Variants in ZNF423 observed in about 807,000 individuals in gnomAD.
ZNF423 encodes the protein zinc finger protein 423.
Under a neutral mutation model 95.8 loss-of-function variants are expected in ZNF423, and 12 were observed. The observed-to-expected ratio is 0.13, with a 90% CI of 0.08 to 0.20. ZNF423 has a LOEUF of 0.20. Among genes scored for constraint, ZNF423 ranks in the 10% least tolerant of loss-of-function variants. The pLI is 1.00. For synonymous variants in ZNF423, 749 were observed against 711.9 expected, an observed-to-expected ratio of 1.05 and a Z score of -0.83; for missense variants, 1,316 against 1,737.1, an observed-to-expected ratio of 0.76 and a Z score of 4.31.
chr16:49,587,235 C>T (rs1030714107), intron 5 of ZNF423, among the ~76,000 whole-genome samples: 3 of 152,138 alleles, frequency 2.0e-5, no homozygotes, highest in African/African-American at 7.2e-5. Flanking sequence ...TCCTGAGCCC[C>T]TGACAATGAC....
chr16:49,591,524 G>A (rs1176273963), intron 5 of ZNF423, among the ~76,000 whole-genome samples: 1 of 151,450 alleles, frequency 6.6e-6, no homozygotes, highest in African/African-American at 2.4e-5. Context: ...CTAAACACAA[G>A]TGTGCAAAAA....
chr16:49,695,719 G>A (rs2356619), intron 3 of ZNF423, among the ~76,000 whole-genome samples: 91,252 of 152,178 alleles, frequency 0.6, 29,349 homozygotes, highest in Non-Finnish European at 0.71. Context: ...GAGCCACCGC[G>A]CCAGGCCCCT....
At chr16:49,538,453 T>G (rs1969131392) in intron 5 of ZNF423, among the ~76,000 whole-genome samples, 1 of 152,120 alleles carries the variant, frequency 6.6e-6, no homozygotes, top group South Asian at 2.1e-4. Context: ...TGGCCCCACC[T>G]CATCATGACT....
At chr16:49,795,849 G>C (rs1046228717) in intron 1 of ZNF423, among the ~76,000 whole-genome samples, 1 of 152,226 alleles carries the variant, frequency 6.6e-6, no homozygotes, top group Non-Finnish European at 1.5e-5. Context: ...CCTGTTAAGA[G>C]AAAGGGTGTT....
chr16:49,647,918 G>A (rs1973240631), intron 3 of ZNF423, among the ~76,000 whole-genome samples: 1 of 152,194 alleles, frequency 6.6e-6, no homozygotes, highest in South Asian at 2.1e-4. Context: ...AATCATGGAA[G>A]TGGCTCTGGA....
At chr16:49,698,398 T>C (rs2032053319) in intron 3 of ZNF423, among the ~76,000 whole-genome samples, 1 of 152,158 alleles carries the variant, frequency 6.6e-6, no homozygotes, top group Admixed American at 6.5e-5. Flanking sequence ...CACAAGGCTG[T>C]GCTGCGACTT....
chr16:49,819,227 G>A (rs1292513556), intron 1 of ZNF423, among the ~76,000 whole-genome samples: 1 of 135,080 alleles, frequency 7.4e-6, no homozygotes, highest in African/African-American at 2.8e-5. Context: ...TCCAGCCTGG[G>A]TGACAGAGTG....
chr16:49,688,110 A>G (rs1315596245), intron 3 of ZNF423, among the ~76,000 whole-genome samples: 1 of 97,084 alleles, frequency 1.0e-5, no homozygotes, highest in Non-Finnish European at 2.0e-5. Context: ...AAAAAAAAAA[A>G]CTCTTCAAAT....
intron 1 of ZNF423, among the ~76,000 whole-genome samples, chr16:49,833,157 G>A (rs2035079168): frequency 6.6e-6 from 1 of 152,208 alleles, no homozygotes; most frequent in African/African-American, 2.4e-5. Context: ...CAAGCTTGGG[G>A]AGGTTTATCC....
intron 3 of ZNF423, among the ~76,000 whole-genome samples, chr16:49,729,308 C>T (rs889346003): frequency 3.9e-5 from 6 of 152,138 alleles, no homozygotes; most frequent in Admixed American, 6.5e-5. Flanking sequence ...TAATTCTTGG[C>T]TAAATCAAGA....
intron 5 of ZNF423, among the ~76,000 whole-genome samples, chr16:49,540,292 G>T (rs550098151): frequency 3.0e-4 from 46 of 152,272 alleles, no homozygotes; most frequent in Non-Finnish European, 6.0e-4. Context: ...GTTTTGTTTT[G>T]TTTTGTTTCG....
At chr16:49,783,807 T>C (rs1055332540) in intron 2 of ZNF423, among the ~76,000 whole-genome samples, 1 of 151,650 alleles carries the variant, frequency 6.6e-6, no homozygotes, top group African/African-American at 2.4e-5. Flanking sequence ...CCGTCTCTAC[T>C]AAAAATATAA....
At position 49,855,090 on chromosome 16, in the gene ZNF423, G is replaced by C; in HGVS notation, c.40+645C>G. On this transcript the variant is annotated intron_variant, in intron 1 of 7. Coordinates refer to ENST00000563137, the MANE Select transcript of ZNF423 (RefSeq NM_001379286.1). The surrounding 1 kb of genome is among the most constrained non-coding windows in gnomAD (Gnocchi z 4.7). ...TCCCTGCCCGGTGGGCCTCGGTGGA[G>C]GAGGCAGGAAGTGCAGGGGCCCGGG... The C allele has an allele frequency of 3.1e-6, 3 of 972,710 alleles. No homozygotes were observed. Among genetic ancestry groups the C allele is most frequent in the Non-Finnish European group, 2.4e-6 (2 of 818,842 alleles). 60.3% of individuals were successfully genotyped at this position (972,710 alleles called of 1,614,324 possible).
intron 2 of ZNF423, among the ~76,000 whole-genome samples, chr16:49,746,262 C>A (rs542819517): frequency 6.6e-6 from 1 of 151,980 alleles, no homozygotes; most frequent in African/African-American, 2.4e-5. Flanking sequence ...CCACTGGGTG[C>A]GGGAAGAAAA....
chr16:49,768,179 G>A, intron 2 of ZNF423, among the ~76,000 whole-genome samples: 1 of 152,218 alleles, frequency 6.6e-6, no homozygotes, highest in East Asian at 1.9e-4. Context: ...TGGACAGTCT[G>A]CAGCTCCCAG....
chr16:49,852,160 G>C (rs965960038), intron 1 of ZNF423, among the ~76,000 whole-genome samples: 3 of 152,102 alleles, frequency 2.0e-5, no homozygotes, highest in Admixed American at 6.6e-5. Context: ...GATGGACTTA[G>C]AGGAGCTACA....
chr16:49,847,522 T>A (rs993494964), intron 1 of ZNF423: 5 of 152,302 alleles, frequency 3.3e-5, no homozygotes, highest in Non-Finnish European at 5.9e-5. Context: ...CACCTGCCCT[T>A]TCCCCCAGCC....
At chr16:49,577,153 G>A (rs1047590723) in intron 5 of ZNF423, among the ~76,000 whole-genome samples, 6 of 152,166 alleles carry the variant, frequency 3.9e-5, no homozygotes, top group Admixed American at 3.9e-4. Flanking sequence ...TGGGGGGGTG[G>A]GGTCCCTGCA....
intron 3 of ZNF423, among the ~76,000 whole-genome samples, chr16:49,665,097 C>G (rs1037130266): frequency 1.3e-5 from 2 of 152,218 alleles, no homozygotes; most frequent in East Asian, 3.9e-4. Flanking sequence ...TCCCCACACC[C>G]GCCATATTTG....
Sources: gnomAD v4.1 joint callset for allele counts (sites outside exome capture counted in the v4.1 genomes callset) on GRCh38, gnomAD v4.1.1 for gene constraint, Gnocchi (gnomAD v3.1) non-coding constraint, MANE v1.5 for transcripts, NCBI Gene and HGNC (gene_info 2026-07-23, HGNC 2026-07-21) for gene names.